ANKS1A: variants seen among roughly 807,000 people sequenced by gnomAD.
ANKS1A encodes the protein ankyrin repeat and sterile alpha motif domain containing 1A, also known as ankyrin repeat and SAM domain-containing protein 1A.
A neutral mutation model predicts 120.3 loss-of-function variants in ANKS1A; 55 were observed. The observed-to-expected ratio is 0.46, with a 90% CI of 0.37 to 0.57. The LOEUF (loss-of-function observed/expected upper bound fraction) is 0.57, where lower values mean the gene tolerates loss of function less well. Ranked by LOEUF, ANKS1A falls within the 20% of genes least tolerant of loss-of-function variation. ANKS1A has a pLI of 0.00. For missense variants in ANKS1A, 1,123 were observed against 1,480.3 expected (o/e 0.76, Z 3.96); for synonymous variants, 590 against 604.7 (o/e 0.98, Z 0.36).
At chr6:34,898,213 A>G (rs1313330695) in intron 1 of ANKS1A, among the ~76,000 whole-genome samples, 2 of 152,210 alleles carry the variant, frequency 1.3e-5, no homozygotes, top group Non-Finnish European at 2.9e-5. Flanking sequence ...TTTAACATTT[A>G]TAATAATTCA....
chr6:34,968,232 G>A (rs1012315716), intron 2 of ANKS1A, among the ~76,000 whole-genome samples: 6 of 152,126 alleles, frequency 3.9e-5, no homozygotes, highest in African/African-American at 9.7e-5. Context: ...GGCATGCTTT[G>A]GGGAGAATTT....
Position 35,060,298 on chromosome 6 carries a change from G to C in ANKS1A, c.2184+45G>C, listed in dbSNP as rs925192520. On this transcript the variant is annotated intron_variant, in intron 13 of 23. Transcript: ENST00000360359. The surrounding 1 kb of genome is among the most constrained non-coding windows in gnomAD (Gnocchi z 4.5). The stretch of plus-strand genomic sequence containing the variant: ...CTCAATGGCAGGGTGCTGCTCAGTG[G>C]AAACAGGCCTCCCTGGCCTCCCCTC... 4 of 1,543,648 alleles carry C rather than the reference G, an allele frequency of 2.6e-6. No homozygotes were observed. In the African/African-American group the frequency reaches 5.4e-5, roughly 21 times the overall value.
At chr6:34,998,064 G>T (rs1252089923) in intron 10 of ANKS1A, among the ~76,000 whole-genome samples, 1 of 152,196 alleles carries the variant, frequency 6.6e-6, no homozygotes, top group East Asian at 1.9e-4. Flanking sequence ...CAAAATACCT[G>T]AGACACTGAA....
chr6:35,064,052 G>A lies in ANKS1A; in HGVS notation c.2184+3799G>A, dbSNP rs1420518513. Among the ~76,000 whole-genome samples, 3 of 152,224 alleles carry A rather than the reference G, an allele frequency of 2.0e-5. No individual in the cohort carries two copies. In the East Asian group the frequency reaches 5.8e-4, roughly 29 times the overall value. On this transcript the variant is annotated intron_variant, in intron 13 of 23. Coordinates refer to ENST00000360359, the MANE Select transcript of ANKS1A (RefSeq NM_015245.3). ...GAGGAGGCTGCTGGGGGGCAGTGAC[G>A]GGCAGGGCCCTGACCAGGCGGGAGA...
At position 35,071,764 on chromosome 6, in the gene ANKS1A, G is replaced by A. The variant is rs114603758; in HGVS notation, c.2185-6794G>A. On this transcript the variant is annotated intron_variant, in intron 13 of 23. Transcript: ENST00000360359. ...TCAGGGTCCTGTTTCCAGAAGATCCGTTAAAGTCAAAGCAAACTCCTACCT... is the reference window on the plus strand; with the variant it reads ...TCAGGGTCCTGTTTCCAGAAGATCCATTAAAGTCAAAGCAAACTCCTACCT... Among the ~76,000 whole-genome samples, 1,189 of 152,358 alleles carry A rather than the reference G, an allele frequency of 7.8e-3. 8 individuals carry two copies. The highest frequency in any genetic ancestry group is 0.024 in the African/African-American group (1,011 of 41,586).
At chr6:34,992,325 A>T (rs187182083) in intron 9 of ANKS1A, among the ~76,000 whole-genome samples, 11 of 152,266 alleles carry the variant, frequency 7.2e-5, no homozygotes, top group African/African-American at 2.6e-4. Flanking sequence ...CTCTGCCTCT[A>T]TTTGTCCTGC....
chr6:34,913,157 A>T (rs1468907668), intron 1 of ANKS1A, among the ~76,000 whole-genome samples: 2 of 152,230 alleles, frequency 1.3e-5, no homozygotes, highest in Non-Finnish European at 2.9e-5. Context: ...GGTAGCCCTA[A>T]CAACCCTGTA....
intron 1 of ANKS1A, among the ~76,000 whole-genome samples, chr6:34,936,760 C>G (rs1004756213): frequency 1.3e-5 from 2 of 152,152 alleles, no homozygotes; most frequent in African/African-American, 4.8e-5. Context: ...ATGAATGGCC[C>G]CTTTGCTGAT....
At chr6:35,038,367 GATGAAAGGAGA>G (rs1219149703) in intron 11 of ANKS1A, 2 of 455,070 alleles carry the variant, frequency 4.4e-6, no homozygotes, top group African/African-American at 2.0e-5. Context: ...ACCGGTCCAC[GATGAAAGGAGA>G]ATGAAAGGAG....
At chr6:34,961,469 G>T (rs1209440556) in intron 1 of ANKS1A, among the ~76,000 whole-genome samples, 3 of 152,200 alleles carry the variant, frequency 2.0e-5, no homozygotes, top group South Asian at 2.1e-4. Flanking sequence ...AGGAAAAAAG[G>T]CCTCTGGTTG....
At chr6:34,999,902 GAGAA>G (rs1373179475) in intron 10 of ANKS1A, among the ~76,000 whole-genome samples, 6 of 152,072 alleles carry the variant, frequency 3.9e-5, no homozygotes, top group South Asian at 4.2e-4. Flanking sequence ...AAGAGAGACA[GAGAA>G]AGAGAGAGGC....
At position 34,940,492 on chromosome 6, in the gene ANKS1A, C is replaced by T. The variant is rs1232894268; in HGVS notation, c.198-26747C>T. ...AAATGAGAGATGATTTAATTTTCAT[C>T]AGTCCATATACTGGAGAAATATTTT... On this transcript the variant is annotated intron_variant, in intron 1 of 23. Transcript: ENST00000360359. 4.6e-5 allele frequency among the ~76,000 whole-genome samples: 7 copies of T among 152,264 alleles called. No individual in the cohort carries two copies. The East Asian group carries it at 1.3e-3, about 29-fold the overall frequency.
At chr6:35,013,824 A>C (rs1200060715) in intron 10 of ANKS1A, among the ~76,000 whole-genome samples, 1 of 152,308 alleles carries the variant, frequency 6.6e-6, no homozygotes, top group Admixed American at 6.5e-5. Flanking sequence ...ACTTTCATGT[A>C]CCTTATCTTT....
rs575661216 is a variant in ANKS1A, at chr6:35,086,285, G to C, written c.3303+349G>C. On this transcript the variant is annotated intron_variant, in intron 22 of 23. Transcript: ENST00000360359. This position sits in a 1 kb window ranked among gnomAD's most constrained non-coding sequence, Gnocchi z 5.1. ...TGCACCCCAGGTGCCGCTGCCCCCCGATAGTCGCTGTTGTTACTGTCACAC... is the reference window on the plus strand; with the variant it reads ...TGCACCCCAGGTGCCGCTGCCCCCCCATAGTCGCTGTTGTTACTGTCACAC... 7.6e-7 allele frequency: 1 copy of C among 1,322,886 alleles called. No homozygotes were observed. The allele number at this position is 1,322,886 out of a possible 1,614,324, so 81.9% of individuals were successfully genotyped here. A position where few individuals can be genotyped will look rare whatever the true frequency, so the allele number is the denominator to read the frequency against.
At chr6:35,037,236 C>T (rs938101761) in intron 11 of ANKS1A, among the ~76,000 whole-genome samples, 1 of 152,154 alleles carries the variant, frequency 6.6e-6, no homozygotes, top group African/African-American at 2.4e-5. Context: ...TCCCTATTAG[C>T]TTTTTAGTAT....
intron 10 of ANKS1A, among the ~76,000 whole-genome samples, chr6:35,006,648 G>A (rs1170249885): frequency 1.3e-5 from 2 of 151,612 alleles, no homozygotes; most frequent in Non-Finnish European, 2.9e-5. Flanking sequence ...CCAGCTACTC[G>A]GGAAGCTGAG....
At chr6:34,983,087 C>T in intron 5 of ANKS1A, 26 bp from the exon 6 acceptor site, 1 of 1,605,358 alleles carries the variant, frequency 6.2e-7, no homozygotes, top group South Asian at 1.1e-5. Context: ...GCTCACTCCC[C>T]TGGTCCACCT....
At chr6:34,978,124 A>G (rs1482699304) in intron 3 of ANKS1A, among the ~76,000 whole-genome samples, 2 of 151,980 alleles carry the variant, frequency 1.3e-5, no homozygotes, top group African/African-American at 4.8e-5. Flanking sequence ...ACACCCAGCT[A>G]ATTTTTGTAT....
chr6:34,963,490 A>G (rs143601840), intron 1 of ANKS1A, among the ~76,000 whole-genome samples: 155 of 152,362 alleles, frequency 1.0e-3, no homozygotes, highest in Admixed American at 1.5e-3. Context: ...CATTGTTTAT[A>G]TATACCACAT....
Sources: allele counts gnomAD v4.1 joint callset (sites outside exome capture counted in the v4.1 genomes callset), GRCh38; gene constraint gnomAD v4.1.1; non-coding constraint Gnocchi (gnomAD v3.1); transcripts MANE v1.5; gene names NCBI Gene and HGNC (gene_info 2026-07-23, HGNC 2026-07-21).